Variants in DNAAF11 observed in about 807,000 individuals in gnomAD.
DNAAF11 encodes dynein axonemal assembly factor 11, also known as leucine rich repeat containing 6.
DNAAF11 carries 45 observed loss-of-function variants against 60.8 expected under a neutral mutation model. The observed-to-expected ratio is 0.74, with a 90% CI of 0.58 to 0.95. The LOEUF (loss-of-function observed/expected upper bound fraction) is 0.95. Ranked by LOEUF, DNAAF11 falls within the 40% of genes least tolerant of loss-of-function variation. DNAAF11 has a pLI of 0.00. For synonymous variants in DNAAF11, 191 were observed against 183.5 expected (o/e 1.04, Z -0.33); for missense variants, 546 against 546.2 (o/e 1.00, Z 0.00).
the DNAAF11 span, among the ~76,000 whole-genome samples, chr8:132,689,074 G>T: frequency 1.3e-5 from 2 of 152,136 alleles, no homozygotes; most frequent in South Asian, 4.1e-4. Flanking sequence ...CTACTAGGAG[G>T]TATTTGTGCC....
intron 1 of DNAAF11, among the ~76,000 whole-genome samples, chr8:132,662,937 T>A (rs138087728): frequency 6.6e-6 from 1 of 152,256 alleles, no homozygotes; most frequent in African/African-American, 2.4e-5. Flanking sequence ...TTATCATTCA[T>A]GTGGAGTTAG....
chr8:132,659,454 A>G (rs1243077816), intron 2 of DNAAF11, among the ~76,000 whole-genome samples: 1 of 152,204 alleles, frequency 6.6e-6, no homozygotes, highest in Admixed American at 6.5e-5. Context: ...AAGGACCGAA[A>G]TACCATGCTC....
At chr8:132,597,109 C>A (rs1817090048) in intron 10 of DNAAF11, among the ~76,000 whole-genome samples, 1 of 152,200 alleles carries the variant, frequency 6.6e-6, no homozygotes, top group African/African-American at 2.4e-5. Flanking sequence ...TGTTTGGAGC[C>A]TTTGCAGTCA....
chr8:132,688,158 G>A, the DNAAF11 span, among the ~76,000 whole-genome samples: 1 of 152,008 alleles, frequency 6.6e-6, no homozygotes, highest in African/African-American at 2.4e-5. Flanking sequence ...TAAATGTCCC[G>A]GCTCTCAACA....
At chr8:132,584,259 T>C (rs1436354208) in intron 10 of DNAAF11, among the ~76,000 whole-genome samples, 5 of 152,214 alleles carry the variant, frequency 3.3e-5, no homozygotes, top group Non-Finnish European at 5.9e-5. Flanking sequence ...GGCCCCTTTT[T>C]GGTCTAAAAA....
intron 10 of DNAAF11, among the ~76,000 whole-genome samples, chr8:132,603,233 T>C (rs769059156): frequency 2.0e-5 from 3 of 152,184 alleles, no homozygotes; most frequent in Admixed American, 6.6e-5. Flanking sequence ...TAGTTGGCCT[T>C]TAGCAGATGA....
chr8:132,642,069 T>C (rs1821909310), intron 3 of DNAAF11, among the ~76,000 whole-genome samples: 1 of 152,204 alleles, frequency 6.6e-6, no homozygotes, highest in Admixed American at 6.5e-5. Context: ...TTTTGCAACA[T>C]GGTTAGAGTT....
intron 7 of DNAAF11, among the ~76,000 whole-genome samples, 185 bp downstream of exon 7, chr8:132,622,426 T>A (rs1819853914): frequency 6.6e-6 from 1 of 152,238 alleles, no homozygotes; most frequent in African/African-American, 2.4e-5. Context: ...AATTATGCAT[T>A]TGAAAACATA....
chr8:132,603,594 G>T (rs547201557), intron 10 of DNAAF11, among the ~76,000 whole-genome samples: 100 of 152,020 alleles, frequency 6.6e-4, no homozygotes, highest in African/African-American at 2.3e-3. Context: ...ATGTTTTAGT[G>T]GGGGGTGGGG....
chr8:132,623,686 T>C (rs1393620407), intron 6 of DNAAF11, among the ~76,000 whole-genome samples: 1 of 152,198 alleles, frequency 6.6e-6, no homozygotes, highest in East Asian at 1.9e-4. Context: ...TAAATTTCTA[T>C]TGTACTTTTA....
At chr8:132,672,104 A>C (rs1328448908) in intron 1 of DNAAF11, among the ~76,000 whole-genome samples, 1 of 152,202 alleles carries the variant, frequency 6.6e-6, no homozygotes, top group Non-Finnish European at 1.5e-5. Flanking sequence ...GTATCTGATG[A>C]CCTATATCCA....
chr8:132,674,657 G>A (rs1366757919), intron 1 of DNAAF11, among the ~76,000 whole-genome samples: 1 of 152,244 alleles, frequency 6.6e-6, no homozygotes, highest in African/African-American at 2.4e-5. Context: ...GAGAGGCCGA[G>A]GCGGGCGGAT....
At chr8:132,609,508 A>G (rs1818441498) in intron 10 of DNAAF11, among the ~76,000 whole-genome samples, 1 of 152,176 alleles carries the variant, frequency 6.6e-6, no homozygotes, top group East Asian at 1.9e-4. Flanking sequence ...GTTCAGGATT[A>G]TGGTAATCAA....
chr8:132,617,708 A>C (rs1313491188), intron 7 of DNAAF11, among the ~76,000 whole-genome samples: 4 of 152,150 alleles, frequency 2.6e-5, no homozygotes, highest in African/African-American at 7.2e-5. Context: ...TGCTTCAAAG[A>C]GAATAAAATA....
At chr8:132,698,717 A>G in the DNAAF11 span, among the ~76,000 whole-genome samples, 3 of 152,044 alleles carry the variant, frequency 2.0e-5, no homozygotes, top group Non-Finnish European at 2.9e-5. Flanking sequence ...GGTGAAAAAA[A>G]TAGGGCAGAA....
intron 6 of DNAAF11, among the ~76,000 whole-genome samples, chr8:132,624,185 T>C (rs1195102113): frequency 6.6e-6 from 1 of 152,202 alleles, no homozygotes; most frequent in African/African-American, 2.4e-5. Context: ...AGAACTTCCA[T>C]TTCAAAGGGC....
the DNAAF11 span, among the ~76,000 whole-genome samples, chr8:132,690,041 C>A: frequency 3.9e-5 from 6 of 152,034 alleles, no homozygotes; most frequent in African/African-American, 1.4e-4. Flanking sequence ...GCTTAATATG[C>A]ATTAGTTTGA....
the DNAAF11 span, among the ~76,000 whole-genome samples, chr8:132,691,545 G>T: frequency 1.3e-5 from 2 of 152,102 alleles, no homozygotes; most frequent in Admixed American, 1.3e-4. Flanking sequence ...AATTTATACA[G>T]AAAAAAGTTT....
chr8:132,626,070 G>C (rs113386346), intron 5 of DNAAF11, among the ~76,000 whole-genome samples: 5 of 150,240 alleles, frequency 3.3e-5, no homozygotes, highest in African/African-American at 9.8e-5. Flanking sequence ...TTTTTTTTGA[G>C]ACGGAGTCTC....
Sources: allele counts gnomAD v4.1 joint callset (sites outside exome capture counted in the v4.1 genomes callset), GRCh38; gene constraint gnomAD v4.1.1; transcripts MANE v1.5; gene names NCBI Gene and HGNC (gene_info 2026-07-23, HGNC 2026-07-21).